Variants in DTX4 observed in about 807,000 individuals in gnomAD.
The protein encoded by DTX4 is E3 ubiquitin-protein ligase DTX4.
In DTX4, 28 loss-of-function variants were observed where a neutral mutation model predicts 57.6. The ratio of observed to expected loss-of-function variants is 0.49; its 90% CI spans 0.36 to 0.67. The LOEUF (loss-of-function observed/expected upper bound fraction) is 0.67, where lower values mean the gene tolerates loss of function less well. Ranked by LOEUF, DTX4 falls within the 30% of genes least tolerant of loss-of-function variation. The pLI, the probability that DTX4 is intolerant of heterozygous loss-of-function variation, is 0.00. For missense variants in DTX4, 715 were observed against 836.8 expected (o/e 0.85, Z 1.80); for synonymous variants, 316 against 331.0 (o/e 0.95, Z 0.49).
chr11:59,188,679 G>A, intron 2 of DTX4, 56 bp from the exon 3 acceptor site: 1 of 1,428,714 alleles, frequency 7.0e-7, no homozygotes, highest in Non-Finnish European at 9.9e-7. Context: ...ATTAAATACT[G>A]GTCCATTTTG....
intron 1 of DTX4, among the ~76,000 whole-genome samples, chr11:59,179,664 ATTC>A (rs1276651825): frequency 6.6e-6 from 1 of 152,188 alleles, no homozygotes; most frequent in African/African-American, 2.4e-5. Flanking sequence ...GCATATCCTC[ATTC>A]TTCTTGGGTG....
In DTX4 at chr11:59,193,448, G is replaced by A. The variant is rs574901824; in HGVS notation, c.1374+1198G>A. ...TAGTGGTGGTCAGTCATTGATGGGGGATGCAAATCTGGATCACTTGCTCAC... is the reference window on the plus strand; with the variant it reads ...TAGTGGTGGTCAGTCATTGATGGGGAATGCAAATCTGGATCACTTGCTCAC... On this transcript the variant is annotated intron_variant, in intron 6 of 8. Transcript: ENST00000227451. 2.6e-5 allele frequency among the ~76,000 whole-genome samples: 4 copies of A among 152,208 alleles called. No individual in the cohort carries two copies. The South Asian group carries it at 8.3e-4, about 32-fold the overall frequency.
At chr11:59,204,186 G>C (rs536761523) in intron 8 of DTX4, among the ~76,000 whole-genome samples, 1 of 152,226 alleles carries the variant, frequency 6.6e-6, no homozygotes, top group African/African-American at 2.4e-5. Context: ...CACAGCTTCA[G>C]CTTTGGATAA....
intron 1 of DTX4, among the ~76,000 whole-genome samples, chr11:59,181,364 AG>A (rs1349471742): frequency 6.6e-6 from 1 of 152,230 alleles, no homozygotes; most frequent in Non-Finnish European, 1.5e-5. Context: ...AACTCTAGGA[AG>A]GAGTTATCCT....
In DTX4 at chr11:59,189,246, T is replaced by C; in HGVS notation, c.1082T>C (p.Val361Ala). ...AAGCTGGTCCTACACCCACCCCCCG[T>C]CAGCAAGAGTGAAATAAAATCCATC... Reference protein sequence around the residue: ...PPKLVLHPPPVSKSEIKSIPG... With the variant: ...PPKLVLHPPPASKSEIKSIPG... The change falls in exon 4 of 9, where the codon GTC (valine) becomes GCC (alanine). Residue 361 changes from valine (V) to alanine (A), a missense_variant. By Grantham distance (64) the Val-to-Ala change is moderately conservative. Transcript: ENST00000227451. 6.2e-7 allele frequency: 1 copy of C among 1,610,026 alleles called. No individual in the cohort carries two copies.
At chr11:59,195,550 T>C (rs1162882820) in intron 7 of DTX4, among the ~76,000 whole-genome samples, 181 bp downstream of exon 7, 1 of 152,076 alleles carries the variant, frequency 6.6e-6, no homozygotes, top group East Asian at 1.9e-4. Context: ...TTCCTATGTA[T>C]CCTTCCAGGA....
Position 59,174,611 on chromosome 11 carries a change from A to G in DTX4, c.211+1805A>G, listed in dbSNP as rs180943617. Among the ~76,000 whole-genome samples the G allele has an allele frequency of 4.4e-3, 664 of 152,074 alleles. 3 individuals are homozygous for G. Among genetic ancestry groups the G allele is most frequent in the African/African-American group, 0.014 (580 of 41,446 alleles). On this transcript the variant is annotated intron_variant, in intron 1 of 8. Transcript: ENST00000227451. Reference sequence around the variant, plus strand: ...CTCAGCCCCTTTCCCACATTTGGAAAGGGCAAAGGTGGAATCTGTGTTTGG... The same window carrying G: ...CTCAGCCCCTTTCCCACATTTGGAAGGGGCAAAGGTGGAATCTGTGTTTGG...
chr11:59,195,072 A>G, intron 6 of DTX4, 136 bp from the exon 7 acceptor site: 2 of 918,190 alleles, frequency 2.2e-6, no homozygotes, highest in South Asian at 2.8e-5. Flanking sequence ...GCTGGGAGGG[A>G]AAAACTAAGA....
At chr11:59,200,940 A>G (rs939288089) in intron 8 of DTX4, among the ~76,000 whole-genome samples, 1 of 152,228 alleles carries the variant, frequency 6.6e-6, no homozygotes, top group Non-Finnish European at 1.5e-5. Context: ...AGCTATGGCT[A>G]TGCTGTTGCT....
chr11:59,172,892 G>A, intron 1 of DTX4, 86 bp downstream of exon 1: 2 of 1,117,298 alleles, frequency 1.8e-6, no homozygotes. Context: ...ACCCACCTTG[G>A]CCACCTAGTC....
chr11:59,176,398 A>G lies in DTX4; in HGVS notation c.211+3592A>G, dbSNP rs1862396088. Among the ~76,000 whole-genome samples, 3 of 152,400 alleles carry G rather than the reference A, an allele frequency of 2.0e-5. No homozygotes were observed. In the South Asian group the frequency reaches 6.2e-4, roughly 32 times the overall value. On this transcript the variant is annotated intron_variant, in intron 1 of 8. Transcript: ENST00000227451. The stretch of plus-strand genomic sequence containing the variant: ...AAGTGATTAAGTTGCTCAAGGGTTT[A>G]CAGCTAGTCAATGGCAGGGCCGAGA...
chr11:59,182,400 C>G lies in DTX4; in HGVS notation c.873C>G (p.Thr291=). The G allele has an allele frequency of 6.2e-7, 1 of 1,613,532 alleles. No individual in the cohort carries two copies. Among genetic ancestry groups the G allele is most frequent in the Non-Finnish European group, 8.5e-7 (1 of 1,179,726 alleles). Residue 291 remains threonine (T), a synonymous_variant, in exon 2 of 9, where the codon ACC becomes ACG. Coordinates refer to ENST00000227451, the MANE Select transcript of DTX4 (RefSeq NM_015177.2). ...AGACCGGAAGGGTGGCCCTGGCCAC[C>G]TTGAATCGTACCAACCTGCAGCGAC... ...NSKTGRVALA[T]LNRTNLQRLA... is the part of the protein sequence containing the mutation.
At chr11:59,175,562 G>A (rs1389433829) in intron 1 of DTX4, among the ~76,000 whole-genome samples, 1 of 152,098 alleles carries the variant, frequency 6.6e-6, no homozygotes, top group Non-Finnish European at 1.5e-5. Context: ...GGCATTTTGG[G>A]CTAGAGAATC....
intron 1 of DTX4, among the ~76,000 whole-genome samples, chr11:59,173,968 TGG>T (rs1590976820): frequency 6.6e-6 from 1 of 152,110 alleles, no homozygotes; most frequent in African/African-American, 2.4e-5. Context: ...GCCGGTGTGC[TGG>T]GGAGGACGTA....
At chr11:59,199,630 C>T in intron 7 of DTX4, 54 bp from the exon 8 acceptor site, 5 of 1,368,808 alleles carry the variant, frequency 3.7e-6, no homozygotes, top group Non-Finnish European at 5.1e-6. Flanking sequence ...TAACCCCGCT[C>T]TTATCAGAAA....
Position 59,204,970 on chromosome 11 carries a change from G to T in DTX4, c.*61G>T. On this transcript the variant is annotated 3_prime_UTR_variant, in exon 9 of 9. Coordinates refer to ENST00000227451, the MANE Select transcript of DTX4 (RefSeq NM_015177.2). ...GACTGCAGGACAGGAAGTGAGGAGA[G>T]TGAGTCAATGTAGAAGAAGTTGGTG... is the stretch of plus-strand genomic sequence containing the variant. The T allele has an allele frequency of 7.0e-7, 1 of 1,432,784 alleles. No individual in the cohort carries two copies. Among genetic ancestry groups the T allele is most frequent in the Non-Finnish European group, 9.6e-7 (1 of 1,044,268 alleles). 88.8% of individuals were successfully genotyped at this position (1,432,784 alleles called of 1,614,324 possible).
In DTX4 at chr11:59,172,453, G is replaced by A. The variant is rs1417231767; in HGVS notation, c.-143G>A. The A allele has an allele frequency of 3.6e-6, 1 of 275,810 alleles. No homozygotes were observed. Among genetic ancestry groups the A allele is most frequent in the Non-Finnish European group, 5.9e-6 (1 of 169,502 alleles). 17.1% of individuals were successfully genotyped at this position (275,810 alleles called of 1,614,324 possible). On this transcript the variant is annotated 5_prime_UTR_variant, in exon 1 of 9. Transcript: ENST00000227451. The stretch of plus-strand genomic sequence containing the variant: ...CGGCTGGGGAGGAGCCCATGGGCCG[G>A]AGCTGAGGCTGCCCGGGGCGGCGGG...
At chr11:59,178,891 A>G (rs1862427116) in intron 1 of DTX4, among the ~76,000 whole-genome samples, 1 of 152,164 alleles carries the variant, frequency 6.6e-6, no homozygotes, top group Non-Finnish European at 1.5e-5. Flanking sequence ...GGGGGAATGC[A>G]TGAGGATAAA....
intron 1 of DTX4, among the ~76,000 whole-genome samples, chr11:59,176,986 C>T (rs1862403697): frequency 6.6e-6 from 1 of 152,156 alleles, no homozygotes; most frequent in Non-Finnish European, 1.5e-5. Context: ...GTTCTGAGGT[C>T]TGCATGCTAT....
Sources: allele counts gnomAD v4.1 joint callset (sites outside exome capture counted in the v4.1 genomes callset), GRCh38; gene constraint gnomAD v4.1.1; transcripts MANE v1.5; gene names NCBI Gene and HGNC (gene_info 2026-07-23, HGNC 2026-07-21).